SLCO4A1: variants seen among roughly 807,000 people sequenced by gnomAD.
SLCO4A1 encodes colon organic anion transporter.
In SLCO4A1, 51 loss-of-function variants were observed where a neutral mutation model predicts 64.6. The observed-to-expected ratio is 0.79, with a 90% CI of 0.63 to 1.00. The LOEUF (loss-of-function observed/expected upper bound fraction) is 1.00. Among genes scored for constraint, SLCO4A1 ranks in the 50% least tolerant of loss-of-function variants. The pLI, the probability that SLCO4A1 is intolerant of heterozygous loss-of-function variation, is 0.00. For missense variants in SLCO4A1, 919 were observed against 980.5 expected, an observed-to-expected ratio of 0.94 and a Z score of 0.84; for synonymous variants, 471 against 444.9, an observed-to-expected ratio of 1.06 and a Z score of -0.74.
At chr20:62,687,354 A>G (rs1468256922), downstream of SLCO4A1, among the ~76,000 whole-genome samples, 1 of 152,036 alleles carries the variant, frequency 6.6e-6, no homozygotes, top group East Asian at 1.9e-4. Context: ...CTGAAGGCCA[A>G]GGGCATGTGG....
chr20:62,658,228 C>G (rs182965435), intron 2 of SLCO4A1, among the ~76,000 whole-genome samples: 1 of 152,234 alleles, frequency 6.6e-6, no homozygotes, highest in Non-Finnish European at 1.5e-5. Flanking sequence ...AGAACCCAGG[C>G]GGGTGTTGAG....
intron 9 of SLCO4A1, 126 bp downstream of exon 9, chr20:62,668,310 T>C: frequency 7.8e-7 from 1 of 1,278,070 alleles, no homozygotes. Flanking sequence ...TGTCTGTCAC[T>C]GGTGGCAGGA....
At position 62,667,790 on chromosome 20, in the gene SLCO4A1, T is replaced by C; in HGVS notation, c.1518T>C (p.Ala506=). ...GHLNLTAPCN[A]ACSCQPEHYS... ...TGAACCTAACGGCTCCCTGCAACGC[T>C]GCCTGCAGCTGCCAGCCAGAACACT... is the stretch of plus-strand genomic sequence containing the variant. Residue 506 remains alanine, a synonymous_variant, in exon 8 of 12, where the codon GCT becomes GCC. Coordinates refer to ENST00000217159, the MANE Select transcript of SLCO4A1 (RefSeq NM_016354.4). 1 of 1,612,022 alleles carries C rather than the reference T, an allele frequency of 6.2e-7. No individual in the cohort carries two copies. The highest frequency in any genetic ancestry group is 8.5e-7 in the Non-Finnish European group (1 of 1,179,840).
downstream of SLCO4A1, among the ~76,000 whole-genome samples, chr20:62,686,991 C>T (rs1028658662): frequency 2.8e-5 from 4 of 144,140 alleles, no homozygotes; most frequent in African/African-American, 5.3e-5. Context: ...CAAACAGGCA[C>T]GATGGGAAGG....
intron 3 of SLCO4A1, among the ~76,000 whole-genome samples, chr20:62,659,124 C>G (rs560991576): frequency 2.0e-5 from 3 of 152,188 alleles, no homozygotes; most frequent in African/African-American, 7.2e-5. Context: ...TAAATGTAAG[C>G]AGGAGAAAGC....
Position 62,671,740 on chromosome 20 carries a change from C to T in SLCO4A1, c.2026-10C>T, listed in dbSNP as rs770140854. The T allele has an allele frequency of 1.9e-6, 3 of 1,610,870 alleles. No individual in the cohort carries two copies. The highest frequency in any genetic ancestry group is 1.3e-5 in the African/African-American group (1 of 74,856). ...TCCCCACGAGGTCCAGCGGGCTCCT[C>T]TCTCCCCAGGTGCTGGGCGTCCTCT... On this transcript the variant is annotated splice_polypyrimidine_tract_variant and intron_variant, in intron 11 of 11. Transcript: ENST00000217159.
At chr20:62,651,171 C>T (rs1381263168) in intron 1 of SLCO4A1, 2 of 152,298 alleles carry the variant, frequency 1.3e-5, no homozygotes, top group Non-Finnish European at 2.9e-5. Context: ...ATGTTTGCTC[C>T]TGTTGTCCTT....
downstream of SLCO4A1, among the ~76,000 whole-genome samples, chr20:62,688,208 G>A (rs530574577): frequency 1.1e-4 from 16 of 152,308 alleles, no homozygotes; most frequent in African/African-American, 3.8e-4. Context: ...CGTCCACTGA[G>A]CAGCAGAGAT....
At chr20:62,657,341 C>T in intron 2 of SLCO4A1, 91 bp downstream of exon 2, 2 of 1,228,194 alleles carry the variant, frequency 1.6e-6, no homozygotes, top group South Asian at 1.5e-5. Flanking sequence ...AGCCCCGCCC[C>T]CTGCCTTCGT....
chr20:62,670,705 G>A (rs1987094298), intron 11 of SLCO4A1, among the ~76,000 whole-genome samples: 2 of 152,248 alleles, frequency 1.3e-5, no homozygotes. Context: ...TCCACACGCA[G>A]CCATCCCCTG....
intron 7 of SLCO4A1, chr20:62,667,371 C>CTGGGG (rs1364494558): frequency 9.0e-6 from 2 of 221,176 alleles, no homozygotes; most frequent in African/African-American, 4.5e-5. Context: ...GAACCGAGGA[C>CTGGGG]TGGGGTGGGG....
At chr20:62,658,831 A>G in intron 3 of SLCO4A1, 64 bp downstream of exon 3, 1 of 1,372,128 alleles carries the variant, frequency 7.3e-7, no homozygotes, top group Non-Finnish European at 1.0e-6. Context: ...AAGGGGGTTC[A>G]GAGTCAGCAG....
chr20:62,672,416 T>C, downstream of SLCO4A1: 1 of 338,792 alleles, frequency 3.0e-6, no homozygotes, highest in Non-Finnish European at 4.2e-6. Flanking sequence ...GCCTTCCTTA[T>C]CCACAGGCTC....
chr20:62,657,006 G>A lies in SLCO4A1; in HGVS notation c.552G>A (p.Ser184=), dbSNP rs751079163. 6.3e-6 allele frequency: 10 copies of A among 1,576,424 alleles called. No homozygotes were observed. Among genetic ancestry groups the A allele is most frequent in the African/African-American group, 2.7e-5 (2 of 74,576 alleles). ...GWGVLLMGTG[S]LVFALPHFTA... ...GCGTGCTGCTTATGGGCACGGGGTC[G>A]CTGGTGTTCGCGCTGCCCCACTTCA... The change falls in exon 2 of 12, where the codon TCG becomes TCA. Residue 184 remains serine, a synonymous_variant. Coordinates refer to ENST00000217159, the MANE Select transcript of SLCO4A1 (RefSeq NM_016354.4).
intron 2 of SLCO4A1, among the ~76,000 whole-genome samples, chr20:62,658,289 C>T (rs1445351367): frequency 2.6e-5 from 4 of 152,250 alleles, no homozygotes; most frequent in African/African-American, 9.6e-5. Flanking sequence ...CCTTCCAAAT[C>T]CCGGCCTGTG....
At chr20:62,680,197 T>TGAC (rs1415053484) in intron 2 of SLCO4A1, among the ~76,000 whole-genome samples, 2 of 152,214 alleles carry the variant, frequency 1.3e-5, no homozygotes, top group Non-Finnish European at 2.9e-5. Context: ...TGTATAGAGA[T>TGAC]GACGGTTGAG....
intron 3 of SLCO4A1, among the ~76,000 whole-genome samples, chr20:62,660,130 TG>T (rs1484595230): frequency 6.6e-6 from 1 of 152,136 alleles, no homozygotes; most frequent in Non-Finnish European, 1.5e-5. Context: ...AACCCCACCG[TG>T]GTCTCAGGAC....
intron 2 of SLCO4A1, among the ~76,000 whole-genome samples, chr20:62,683,905 C>T (rs553597146): frequency 1.4e-3 from 214 of 151,422 alleles, no homozygotes; most frequent in African/African-American, 4.6e-3. Flanking sequence ...TTCCCACACA[C>T]GCTCACGCAA....
intron 7 of SLCO4A1, among the ~76,000 whole-genome samples, chr20:62,667,047 C>G (rs1046092174): frequency 2.0e-5 from 3 of 152,180 alleles, no homozygotes; most frequent in Non-Finnish European, 2.9e-5. Flanking sequence ...CTGCGGGCCC[C>G]GGGAGTGCAC....
Sources: gnomAD v4.1 joint callset for allele counts (sites outside exome capture counted in the v4.1 genomes callset) on GRCh38, gnomAD v4.1.1 for gene constraint, MANE v1.5 for transcripts, NCBI Gene and HGNC (gene_info 2026-07-23, HGNC 2026-07-21) for gene names.